The following LRRC53 variants were observed in gnomAD, a reference collection of about 807,000 sequenced individuals.
The protein encoded by LRRC53 is leucine rich repeat containing 53, also known as leucine-rich repeat-containing protein 53.
A neutral mutation model predicts 13.6 loss-of-function variants in LRRC53; 25 were observed. The observed-to-expected ratio is 1.83, with a 90% confidence interval of 1.34 to 2.56. LRRC53 has a LOEUF of 2.56. Ranked by LOEUF, LRRC53 falls within the 30% of genes most tolerant of loss-of-function variation. The pLI, the probability that LRRC53 is intolerant of heterozygous loss-of-function variation, is 0.00. For missense variants in LRRC53, 527 were observed against 275.8 expected, an observed-to-expected ratio of 1.91 and a Z score of -6.45; for synonymous variants, 204 against 109.8, an observed-to-expected ratio of 1.86 and a Z score of -5.37.
At chr1:74,489,866 A>C (rs887977389) in intron 1 of LRRC53, among the ~76,000 whole-genome samples, 1 of 152,120 alleles carries the variant, frequency 6.6e-6, no homozygotes, top group African/African-American at 2.4e-5. Context: ...CTACTTGAAA[A>C]ATAATATATT....
chr1:74,489,990 C>T (rs1031365094), intron 1 of LRRC53, among the ~76,000 whole-genome samples: 2 of 147,018 alleles, frequency 1.4e-5, no homozygotes, highest in African/African-American at 2.5e-5. Flanking sequence ...TAGCATCAAC[C>T]TGAGATTGCA....
chr1:74,499,724 A>T (rs572477462), intron 1 of LRRC53, among the ~76,000 whole-genome samples: 10 of 152,292 alleles, frequency 6.6e-5, no homozygotes, highest in African/African-American at 2.2e-4. Context: ...TTAAGCCTAT[A>T]GGTCAATATG....
At chr1:74,509,118 A>G (rs1334204036) in intron 1 of LRRC53, among the ~76,000 whole-genome samples, 1 of 152,232 alleles carries the variant, frequency 6.6e-6, no homozygotes, top group Admixed American at 6.5e-5. Context: ...TCTTTGAGAT[A>G]GTAGAGCACT....
chr1:74,484,002 T>C (rs1279512580), intron 1 of LRRC53, among the ~76,000 whole-genome samples: 2 of 152,182 alleles, frequency 1.3e-5, no homozygotes, highest in Admixed American at 6.5e-5. Context: ...TATTTCTTTT[T>C]ATTTTTTGCT....
At chr1:74,496,956 G>A (rs1259102651) in intron 1 of LRRC53, among the ~76,000 whole-genome samples, 1 of 152,090 alleles carries the variant, frequency 6.6e-6, no homozygotes, top group Non-Finnish European at 1.5e-5. Context: ...AGAATGATTT[G>A]ACCTAGTTAG....
chr1:74,486,733 A>G (rs966916889), intron 1 of LRRC53, among the ~76,000 whole-genome samples: 2 of 152,120 alleles, frequency 1.3e-5, no homozygotes, highest in African/African-American at 2.4e-5. Context: ...TCTTGGGGCA[A>G]TAAAAAGCTT....
At chr1:74,536,875 A>G in the LRRC53 span, among the ~76,000 whole-genome samples, 48 of 152,132 alleles carry the variant, frequency 3.2e-4, no homozygotes, top group African/African-American at 1.2e-3. Flanking sequence ...ACTGACCACA[A>G]TTTCAGCAAA....
At chr1:74,518,874 C>CTTTT in the LRRC53 span, among the ~76,000 whole-genome samples, 2 of 29,052 alleles carry the variant, frequency 6.9e-5, no homozygotes, top group Admixed American at 4.8e-4. Context: ...TTTTTTTCCC[C>CTTTT]TTTTTTTTTT....
intron 1 of LRRC53, among the ~76,000 whole-genome samples, chr1:74,507,031 A>G (rs914262448): frequency 6.6e-6 from 1 of 152,176 alleles, no homozygotes; most frequent in Admixed American, 6.5e-5. Flanking sequence ...AAACTAAAGA[A>G]AATATATTGA....
chr1:74,534,714 A>T, the LRRC53 span, among the ~76,000 whole-genome samples: 2 of 143,320 alleles, frequency 1.4e-5, no homozygotes, highest in African/African-American at 4.9e-5. Context: ...GCATTGCAAC[A>T]TGAATATTCT....
the LRRC53 span, among the ~76,000 whole-genome samples, chr1:74,535,482 CAAA>C: frequency 4.6e-5 from 7 of 151,846 alleles, no homozygotes; most frequent in African/African-American, 1.4e-4. Flanking sequence ...ATCAAACAAA[CAAA>C]AAAAGAATCA....
At chr1:74,503,327 T>G (rs1669730134) in intron 1 of LRRC53, among the ~76,000 whole-genome samples, 1 of 152,172 alleles carries the variant, frequency 6.6e-6, no homozygotes, top group Non-Finnish European at 1.5e-5. Context: ...CCAAAAAGGG[T>G]CTTTGGCTTT....
At chr1:74,502,106 C>T (rs138417230) in intron 1 of LRRC53, among the ~76,000 whole-genome samples, 7 of 152,034 alleles carry the variant, frequency 4.6e-5, no homozygotes, top group African/African-American at 1.4e-4. Flanking sequence ...AAAATTCATG[C>T]TATAGGTCAA....
the LRRC53 span, among the ~76,000 whole-genome samples, chr1:74,518,520 T>A: frequency 1.3e-5 from 2 of 152,150 alleles, no homozygotes; most frequent in African/African-American, 2.4e-5. Flanking sequence ...GCCTTCTTTT[T>A]AGGGTGGCTC....
the LRRC53 span, among the ~76,000 whole-genome samples, chr1:74,526,840 C>T: frequency 2.0e-5 from 3 of 152,184 alleles, no homozygotes; most frequent in Admixed American, 2.0e-4. Context: ...TGGTAAACTA[C>T]AGCTCATGGG....
At chr1:74,528,067 G>T in the LRRC53 span, among the ~76,000 whole-genome samples, 14,873 of 152,248 alleles carry the variant, frequency 0.098, 943 homozygotes, top group Non-Finnish European at 0.14. Context: ...AGCCCAGGAA[G>T]AACGTTATGT....
chr1:74,510,432 C>T (rs959297204), intron 1 of LRRC53, among the ~76,000 whole-genome samples: 13 of 152,012 alleles, frequency 8.6e-5, no homozygotes, highest in East Asian at 1.9e-4. Context: ...GGCTTGAACC[C>T]GGGAGGTGGA....
intron 1 of LRRC53, among the ~76,000 whole-genome samples, chr1:74,484,042 G>A (rs1425923537): frequency 6.6e-6 from 1 of 151,702 alleles, no homozygotes; most frequent in Non-Finnish European, 1.5e-5. Flanking sequence ...AATAATAAAT[G>A]TCTACAGTAC....
At chr1:74,472,604 A>G (rs1430833558) in intron 4 of LRRC53, among the ~76,000 whole-genome samples, 1 of 152,100 alleles carries the variant, frequency 6.6e-6, no homozygotes, top group Non-Finnish European at 1.5e-5. Flanking sequence ...TGGGTGCAAT[A>G]TTGAGTAATG....
Sources: gnomAD v4.1 joint callset for allele counts (sites outside exome capture counted in the v4.1 genomes callset) on GRCh38, gnomAD v4.1.1 for gene constraint, MANE v1.5 for transcripts, NCBI Gene and HGNC (gene_info 2026-07-23, HGNC 2026-07-21) for gene names.